Variants in GRID2 observed in about 807,000 individuals in gnomAD.
GRID2 encodes the protein glutamate ionotropic receptor delta type subunit 2.
Under a neutral mutation model 114.8 loss-of-function variants are expected in GRID2, and 33 were observed. The ratio of observed to expected loss-of-function variants is 0.29; its 90% CI spans 0.22 to 0.38. GRID2 has a LOEUF of 0.38. GRID2 is among the 10% of genes least tolerant of loss of function. The pLI is 1.00. For missense variants in GRID2, 1,184 were observed against 1,257.7 expected, an observed-to-expected ratio of 0.94 and a Z score of 0.89; for synonymous variants, 505 against 449.9, an observed-to-expected ratio of 1.12 and a Z score of -1.55.
At chr4:92,475,130 A>C (rs1349974736) in intron 1 of GRID2, among the ~76,000 whole-genome samples, 1 of 57,120 alleles carries the variant, frequency 1.8e-5, no homozygotes, top group African/African-American at 7.7e-5. Context: ...AATAATAATA[A>C]ATAATAATAA....
At chr4:92,777,351 T>C (rs1372836993) in intron 2 of GRID2, among the ~76,000 whole-genome samples, 1 of 152,106 alleles carries the variant, frequency 6.6e-6, no homozygotes, top group Non-Finnish European at 1.5e-5. Flanking sequence ...ATGTTTTGCT[T>C]TGTGTGGTAA....
At chr4:92,444,132 G>A (rs1484052363) in intron 1 of GRID2, among the ~76,000 whole-genome samples, 1 of 152,200 alleles carries the variant, frequency 6.6e-6, no homozygotes, top group African/African-American at 2.4e-5. Context: ...CTTTCTCACG[G>A]AGCAAAGAAC....
At chr4:93,129,089 A>C (rs1734560285) in intron 4 of GRID2, among the ~76,000 whole-genome samples, 2 of 152,298 alleles carry the variant, frequency 1.3e-5, no homozygotes, top group African/African-American at 2.4e-5. Context: ...AAACTATCTA[A>C]AATTCAGAAT....
rs147505184 is a variant in GRID2 at position 92,909,994 on chromosome 4, T to A, written c.245-175001T>A. Among the ~76,000 whole-genome samples, 138 of 152,206 alleles carry A rather than the reference T, an allele frequency of 9.1e-4. 1 individual carries two copies. The highest frequency in any genetic ancestry group is 3.4e-3 in the Middle Eastern group (1 of 294). The stretch of plus-strand genomic sequence containing the variant: ...TTAGTCCTAATTAAAGAAGTTGTGG[T>A]ATTTTAGGAGAAACAGGAGTTAACC... On this transcript the variant is annotated intron_variant, in intron 2 of 15. Transcript: ENST00000282020.
chr4:93,259,719 ATG>A, intron 8 of GRID2, among the ~76,000 whole-genome samples: 1 of 151,948 alleles, frequency 6.6e-6, no homozygotes, highest in South Asian at 2.1e-4. Context: ...TTCAAAAACT[ATG>A]TTTTTTCAAT....
intron 13 of GRID2, among the ~76,000 whole-genome samples, chr4:93,617,936 T>C (rs981569882): frequency 6.6e-6 from 1 of 152,168 alleles, no homozygotes; most frequent in Non-Finnish European, 1.5e-5. Context: ...AAAAACAGTG[T>C]TGCTTTCAGC....
intron 2 of GRID2, among the ~76,000 whole-genome samples, chr4:93,019,171 T>G (rs1723042177): frequency 6.6e-6 from 1 of 152,170 alleles, no homozygotes; most frequent in Admixed American, 6.6e-5. Flanking sequence ...TCCATGATAT[T>G]TCATTTATAA....
intron 2 of GRID2, among the ~76,000 whole-genome samples, chr4:92,940,917 C>A (rs1751068434): frequency 6.6e-6 from 1 of 152,136 alleles, no homozygotes; most frequent in Admixed American, 6.6e-5. Context: ...ACGGATGAAG[C>A]CCTCTTGATC....
At chr4:93,498,865 GGAAAAGCAGTCTTT>G (rs770532474) in intron 12 of GRID2, among the ~76,000 whole-genome samples, 111 of 151,912 alleles carry the variant, frequency 7.3e-4, no homozygotes, top group Middle Eastern at 3.4e-3. Flanking sequence ...TGATCTTGCT[GGAAAAGCAGTCTTT>G]GACCGTTAGG....
intron 2 of GRID2, among the ~76,000 whole-genome samples, chr4:92,975,155 T>TAAAAAAAAAAA (rs1753783685): frequency 7.6e-5 from 1 of 13,084 alleles, no homozygotes; most frequent in Non-Finnish European, 1.1e-4. Context: ...AGATTCCGCC[T>TAAAAAAAAAAA]CAAAAAAAAA....
rs530246366 is a variant in GRID2, at chr4:92,921,071, C to G, written c.245-163924C>G. ...TCTTTTTATTCTTTTTTTCTCTAAA[C>G]TTCTCTTTTAGCTTCATTTCATTCA... On this transcript the variant is annotated intron_variant, in intron 2 of 15. Coordinates refer to ENST00000282020, the MANE Select transcript of GRID2 (RefSeq NM_001510.4). 3.3e-5 allele frequency among the ~76,000 whole-genome samples: 5 copies of G among 152,162 alleles called. No homozygotes were observed. In the South Asian group the frequency reaches 1.0e-3, roughly 32 times the overall value.
intron 2 of GRID2, among the ~76,000 whole-genome samples, chr4:92,980,721 A>T (rs1254585998): frequency 1.3e-5 from 2 of 152,134 alleles, no homozygotes; most frequent in African/African-American, 4.8e-5. Flanking sequence ...TATATCAATG[A>T]TATAAAAACT....
intron 10 of GRID2, among the ~76,000 whole-genome samples, chr4:93,425,716 C>G (rs1768777133): frequency 6.6e-6 from 1 of 152,120 alleles, no homozygotes; most frequent in African/African-American, 2.4e-5. Context: ...CAATTTCTGG[C>G]AACCCTAGCT....
intron 9 of GRID2, among the ~76,000 whole-genome samples, chr4:93,411,887 C>G (rs1036737318): frequency 2.7e-5 from 4 of 150,284 alleles, no homozygotes; most frequent in African/African-American, 9.8e-5. Flanking sequence ...ATTCCCTGAA[C>G]TATGTTGAAA....
chr4:92,848,996 G>A (rs1743554194), intron 2 of GRID2, among the ~76,000 whole-genome samples: 2 of 151,824 alleles, frequency 1.3e-5, no homozygotes, highest in Non-Finnish European at 2.9e-5. Flanking sequence ...TTAAATTTCT[G>A]TTATCTAAGC....
At chr4:93,466,007 A>T (rs72668740) in intron 11 of GRID2, among the ~76,000 whole-genome samples, 2,104 of 152,310 alleles carry the variant, frequency 0.014, 18 homozygotes, top group South Asian at 0.056. Flanking sequence ...TTTGCAATTT[A>T]TATAGTAAAT....
chr4:92,965,450 TAAAAAAAAAAAAAAAAAAAAAAAAAAAA>T (rs869285420), intron 2 of GRID2, among the ~76,000 whole-genome samples: 1 of 85,760 alleles, frequency 1.2e-5, no homozygotes, highest in African/African-American at 4.4e-5. Flanking sequence ...ATTCAATTTG[TAAAAAAAAAAAAAAAAAAAAAAAAAAAA>T]AAAAAAAAAA....
chr4:92,868,706 AGT>A (rs201335750), intron 2 of GRID2, among the ~76,000 whole-genome samples: 3,300 of 148,050 alleles, frequency 0.022, 87 homozygotes, highest in African/African-American at 0.065. Context: ...CATTTTATGT[AGT>A]GTGTGTGTGT....
At chr4:93,800,167 C>T (rs1223673316) in intron 1 of GRID2, among the ~76,000 whole-genome samples, 1 of 152,110 alleles carries the variant, frequency 6.6e-6, no homozygotes, top group African/African-American at 2.4e-5. Flanking sequence ...GTAACCATAG[C>T]AAGGGAAGTT....
Sources: gnomAD v4.1 joint callset for allele counts (sites outside exome capture counted in the v4.1 genomes callset) on GRCh38, gnomAD v4.1.1 for gene constraint, MANE v1.5 for transcripts, NCBI Gene and HGNC (gene_info 2026-07-23, HGNC 2026-07-21) for gene names.